Variants in PSD3 observed in about 807,000 individuals in gnomAD.
The protein encoded by PSD3 is PH and SEC7 domain-containing protein 3.
PSD3 carries 49 observed loss-of-function variants against 105.5 expected under a neutral mutation model. The observed-to-expected ratio is 0.46, with a 90% confidence interval of 0.37 to 0.59. The LOEUF is 0.59. Among genes scored for constraint, PSD3 ranks in the 20% least tolerant of loss-of-function variants. The pLI, the probability that PSD3 is intolerant of heterozygous loss-of-function variation, is 0.00. For synonymous variants in PSD3, 557 were observed against 457.8 expected (o/e 1.22, Z -2.77); for missense variants, 1,561 against 1,263.8 (o/e 1.24, Z -3.57).
intron 1 of PSD3, among the ~76,000 whole-genome samples, chr8:19,054,578 G>A (rs537244922): frequency 3.9e-5 from 6 of 152,188 alleles, no homozygotes; most frequent in African/African-American, 9.6e-5. Context: ...CACATCTGCC[G>A]TAATTTTTTA....
chr8:18,867,663 G>T lies in PSD3; in HGVS notation c.1634+11C>A. ...CCACCAGCATGAAATGAATGAGAAT[G>T]GGACGAGTACCTTCCCCAGAAAGCA... On this transcript the variant is annotated intron_variant, in intron 4 of 15. Transcript: ENST00000327040. 2 of 1,588,524 alleles carry T rather than the reference G, an allele frequency of 1.3e-6. No individual in the cohort carries two copies. The highest frequency in any genetic ancestry group is 8.6e-7 in the Non-Finnish European group (1 of 1,166,330).
At chr8:18,789,354 C>A (rs1215715170) in intron 8 of PSD3, among the ~76,000 whole-genome samples, 2 of 152,074 alleles carry the variant, frequency 1.3e-5, no homozygotes, top group Non-Finnish European at 2.9e-5. Flanking sequence ...TTTTACTAAG[C>A]CAAATATAAA....
At chr8:18,749,644 A>G (rs981412402) in intron 9 of PSD3, among the ~76,000 whole-genome samples, 1 of 152,210 alleles carries the variant, frequency 6.6e-6, no homozygotes, top group Admixed American at 6.5e-5. Flanking sequence ...AGAGGAAGGG[A>G]GAACAGGCAC....
chr8:18,963,262 A>C (rs1824033266), intron 1 of PSD3, among the ~76,000 whole-genome samples: 1 of 152,200 alleles, frequency 6.6e-6, no homozygotes, highest in Non-Finnish European at 1.5e-5. Context: ...ATACAATTCA[A>C]GATGAGATTT....
chr8:18,937,692 A>G (rs146107457), intron 1 of PSD3, among the ~76,000 whole-genome samples: 2 of 152,324 alleles, frequency 1.3e-5, no homozygotes, highest in African/African-American at 4.8e-5. Flanking sequence ...TTTGATAATC[A>G]CAGGTTGTTA....
intron 14 of PSD3, among the ~76,000 whole-genome samples, chr8:18,571,691 G>T (rs1401346406): frequency 1.3e-5 from 2 of 152,148 alleles, no homozygotes; most frequent in African/African-American, 4.8e-5. Flanking sequence ...ATTGATAATT[G>T]CTCCCTCTCT....
chr8:19,031,549 A>C (rs1563519785), intron 1 of PSD3, among the ~76,000 whole-genome samples: 1 of 121,252 alleles, frequency 8.2e-6, no homozygotes, highest in Non-Finnish European at 1.9e-5. Flanking sequence ...TGACAAAGTC[A>C]AGAACAATCT....
At chr8:18,620,779 T>C (rs558645103) in intron 11 of PSD3, among the ~76,000 whole-genome samples, 3 of 152,326 alleles carry the variant, frequency 2.0e-5, no homozygotes, top group African/African-American at 7.2e-5. Flanking sequence ...ATAACATCTT[T>C]TGCATATACA....
chr8:18,821,583 C>G (rs1387491098), intron 4 of PSD3, among the ~76,000 whole-genome samples: 1 of 151,802 alleles, frequency 6.6e-6, no homozygotes, highest in Non-Finnish European at 1.5e-5. Flanking sequence ...TCATTTGTGA[C>G]CAGTTTCTAT....
At chr8:18,571,395 C>A (rs994030674) in intron 14 of PSD3, among the ~76,000 whole-genome samples, 22 of 151,976 alleles carry the variant, frequency 1.4e-4, no homozygotes, top group African/African-American at 5.1e-4. Context: ...TCTCGTCCCA[C>A]ACCTCACCTA....
chr8:18,885,959 C>A (rs936448585), intron 2 of PSD3, among the ~76,000 whole-genome samples: 1 of 152,124 alleles, frequency 6.6e-6, no homozygotes, highest in African/African-American at 2.4e-5. Context: ...TTTGAGCTAA[C>A]CTTGTTCCCT....
chr8:18,876,382 T>C (rs373329639), intron 2 of PSD3, among the ~76,000 whole-genome samples: 1 of 152,146 alleles, frequency 6.6e-6, no homozygotes, highest in African/African-American at 2.4e-5. Flanking sequence ...TCTAAATACA[T>C]TTTTTCTTTT....
intron 4 of PSD3, among the ~76,000 whole-genome samples, chr8:18,852,851 G>A (rs1388898447): frequency 2.6e-5 from 4 of 152,144 alleles, no homozygotes; most frequent in Admixed American, 6.5e-5. Flanking sequence ...TGTTTACTGA[G>A]CTCTTTTAGA....
At chr8:18,732,444 G>C (rs961487726) in intron 9 of PSD3, among the ~76,000 whole-genome samples, 9 of 152,258 alleles carry the variant, frequency 5.9e-5, no homozygotes, top group African/African-American at 1.9e-4. Context: ...CACAAGTGCA[G>C]TCTGGGGCAG....
At chr8:18,879,919 A>C (rs1385772772) in intron 2 of PSD3, among the ~76,000 whole-genome samples, 3 of 152,166 alleles carry the variant, frequency 2.0e-5, no homozygotes, top group African/African-American at 7.2e-5. Flanking sequence ...TGCTAAGAGC[A>C]GTAATGTTAA....
At chr8:18,601,800 T>C (rs750339499) in intron 11 of PSD3, among the ~76,000 whole-genome samples, 1 of 152,186 alleles carries the variant, frequency 6.6e-6, no homozygotes, top group Non-Finnish European at 1.5e-5. Flanking sequence ...GTTCAATAGA[T>C]GTGAAATTCT....
At chr8:18,867,131 T>G (rs973070764) in intron 4 of PSD3, among the ~76,000 whole-genome samples, 8 of 152,162 alleles carry the variant, frequency 5.3e-5, no homozygotes, top group African/African-American at 1.7e-4. Flanking sequence ...TAGACCAAGA[T>G]ATCAGCTCTC....
intron 15 of PSD3, among the ~76,000 whole-genome samples, chr8:18,546,931 G>A (rs1247854000): frequency 6.6e-6 from 1 of 152,196 alleles, no homozygotes; most frequent in Non-Finnish European, 1.5e-5. Flanking sequence ...CATATTTGCT[G>A]GCTTGTACCT....
chr8:19,042,391 C>A (rs1412645104), intron 1 of PSD3, among the ~76,000 whole-genome samples: 4 of 152,034 alleles, frequency 2.6e-5, no homozygotes, highest in Non-Finnish European at 5.9e-5. Flanking sequence ...CTCAGGCACA[C>A]GTTTCAAACC....
Sources: allele counts gnomAD v4.1 joint callset (sites outside exome capture counted in the v4.1 genomes callset), GRCh38; gene constraint gnomAD v4.1.1; transcripts MANE v1.5; gene names NCBI Gene and HGNC (gene_info 2026-07-23, HGNC 2026-07-21).